The following PCNX3 variants were observed in gnomAD, a reference collection of about 807,000 sequenced individuals.
The protein encoded by PCNX3 is pecanex 3, also known as pecanex-like protein 3.
A neutral mutation model predicts 207.2 loss-of-function variants in PCNX3; 58 were observed. That is an observed-to-expected ratio of 0.28 (90% CI 0.23 to 0.35). The LOEUF is 0.35. Among genes scored for constraint, PCNX3 ranks in the 10% least tolerant of loss-of-function variants. The pLI is 1.00. For synonymous variants in PCNX3, 1,337 were observed against 1,183.5 expected (o/e 1.13, Z -2.66); for missense variants, 2,410 against 2,774.4 (o/e 0.87, Z 2.95).
chr11:65,619,966 TC>T, intron 8 of PCNX3, 34 bp downstream of exon 8: 2 of 1,557,190 alleles, frequency 1.3e-6, no homozygotes, highest in Non-Finnish European at 8.7e-7. Context: ...GCCCAGTGCC[TC>T]CCCGCCTTCC....
chr11:65,617,125 C>T (rs1241279267), intron 2 of PCNX3, 114 bp downstream of exon 2: 5 of 1,390,106 alleles, frequency 3.6e-6, no homozygotes, highest in Admixed American at 4.2e-5. Context: ...ATTGTGAACA[C>T]TTGTCCTGTG....
chr11:65,618,702 C>G lies in PCNX3; in HGVS notation c.1340C>G (p.Ser447Cys), dbSNP rs746164516. ...RSQRRYSTDSSSSTSCYSPES... is the reference protein window; with the variant it reads ...RSQRRYSTDSCSSTSCYSPES... ...CAGCGCCGCTACAGTACTGACAGCTCCTCTTCTACTTCCTGCTACTCCCCT... is the reference window on the plus strand; with the variant it reads ...CAGCGCCGCTACAGTACTGACAGCTGCTCTTCTACTTCCTGCTACTCCCCT... The change falls in exon 6 of 35, where the codon TCC (serine) becomes TGC (cysteine). Residue 447 changes from serine to cysteine, a missense_variant. Ser to Cys is a moderately radical substitution (Grantham distance 112, BLOSUM62 -1). This residue lies in a region of PCNX3 where 1,104 missense variants were observed against 970.3 expected (regional missense o/e 1.14). Coordinates refer to ENST00000355703, the MANE Select transcript of PCNX3 (RefSeq NM_032223.4). The G allele has an allele frequency of 6.2e-7, 1 of 1,613,086 alleles. No homozygotes were observed. The highest frequency in any genetic ancestry group is 8.5e-7 in the Non-Finnish European group (1 of 1,179,624).
At chr11:65,631,600 A>G (rs1855618302) in intron 27 of PCNX3, among the ~76,000 whole-genome samples, 1 of 152,158 alleles carries the variant, frequency 6.6e-6, no homozygotes, top group African/African-American at 2.4e-5. Context: ...CAGAGGTTGC[A>G]GCCAGCCGAG....
At position 65,617,725 on chromosome 11, in the gene PCNX3, G is replaced by A; in HGVS notation, c.577+19G>A. The A allele has an allele frequency of 6.4e-7, 1 of 1,552,150 alleles. No homozygotes were observed. Among genetic ancestry groups the A allele is most frequent in the South Asian group, 1.2e-5 (1 of 84,318 alleles). ...AAACTGAGTGCGTGGGCCTTATGGGGCCGAGGCTTGTGGGCTAGACCAGCT... is the reference window on the plus strand; with the variant it reads ...AAACTGAGTGCGTGGGCCTTATGGGACCGAGGCTTGTGGGCTAGACCAGCT... On this transcript the variant is annotated intron_variant, in intron 5 of 34. Transcript: ENST00000355703.
At chr11:65,617,577 G>A in intron 4 of PCNX3, 34 bp from the exon 5 acceptor site, 1 of 1,613,620 alleles carries the variant, frequency 6.2e-7, no homozygotes, top group Non-Finnish European at 8.5e-7. Flanking sequence ...TGTGCCAGGG[G>A]GTCCTGCTGA....
chr11:65,625,293 C>T lies in PCNX3; in HGVS notation c.3029+13C>T, dbSNP rs777992621. On this transcript the variant is annotated intron_variant, in intron 17 of 34. Coordinates refer to ENST00000355703, the MANE Select transcript of PCNX3 (RefSeq NM_032223.4). This position sits in a 1 kb window ranked among gnomAD's most constrained non-coding sequence, Gnocchi z 5.6. The stretch of plus-strand genomic sequence containing the variant: ...CCACCGTGCTCTGGTGGGTGTGCTC[C>T]GGGTCGTGTGTTTGTGTCTGCCCAG... The T allele has an allele frequency of 2.6e-5, 41 of 1,601,552 alleles. No individual in the cohort carries two copies. The highest frequency in any genetic ancestry group is 1.2e-4 in the South Asian group (11 of 90,720).
In PCNX3 at chr11:65,625,600, A is replaced by G. The variant is rs1322455973; in HGVS notation, c.3136-52A>G. On this transcript the variant is annotated intron_variant, in intron 18 of 34. Transcript: ENST00000355703. The surrounding 1 kb of genome is among the most constrained non-coding windows in gnomAD (Gnocchi z 5.6). ...GCATGTCCAGCTTGGGCTGCTGGGC[A>G]GCTGAGTGTCTCTCCTGGCCGGGCA... is the stretch of plus-strand genomic sequence containing the variant. 6 of 1,598,486 alleles carry G rather than the reference A, an allele frequency of 3.8e-6. No homozygotes were observed. In the East Asian group the frequency reaches 1.4e-4, roughly 36 times the overall value.
At chr11:65,631,396 C>G (rs1855611305) in intron 27 of PCNX3, among the ~76,000 whole-genome samples, 1 of 152,182 alleles carries the variant, frequency 6.6e-6, no homozygotes. Context: ...GTGGCTCATG[C>G]CTGTAATCCC....
At chr11:65,629,880 G>A in intron 26 of PCNX3, 145 bp downstream of exon 26, 1 of 896,376 alleles carries the variant, frequency 1.1e-6, no homozygotes, top group Admixed American at 2.2e-5. Context: ...TCCTCCCTGG[G>A]CCTGCGTTTC....
In PCNX3 at chr11:65,635,827, G is replaced by A. The variant is rs73490482; in HGVS notation, c.5459+24G>A. 1.3e-4 allele frequency: 206 copies of A among 1,590,354 alleles called. 1 individual carries two copies. Among genetic ancestry groups the A allele is most frequent in the African/African-American group, 5.1e-4 (38 of 74,690 alleles). On this transcript the variant is annotated intron_variant, in intron 32 of 34. Transcript: ENST00000355703. The surrounding 1 kb of genome is among the most constrained non-coding windows in gnomAD (Gnocchi z 9.9). ...AGGTGAGGCCTCGGGAAGGGGTGAC[G>A]TGTGGCGCGGGAGGAAGCTGAGGTG...
rs369985737 is a variant in PCNX3 at position 65,636,569 on chromosome 11, G to A, written c.5772G>A (p.Pro1924=). ...EGPRTSRPPG[P]GLLSSEGPSG... Reference sequence around the variant, plus strand: ...CCCGGACCTCACGGCCCCCTGGCCCGGGTCTCCTCAGTTCTGAGGGCCCCA... The same window carrying A: ...CCCGGACCTCACGGCCCCCTGGCCCAGGTCTCCTCAGTTCTGAGGGCCCCA... Residue 1924 remains proline (P), a synonymous_variant, in exon 34 of 35, where the codon CCG becomes CCA. Coordinates refer to ENST00000355703, the MANE Select transcript of PCNX3 (RefSeq NM_032223.4). 18 of 1,594,918 alleles carry A rather than the reference G, an allele frequency of 1.1e-5. No individual in the cohort carries two copies. The highest frequency in any genetic ancestry group is 5.4e-5 in the African/African-American group (4 of 73,976).
chr11:65,629,212 G>A, intron 24 of PCNX3, 145 bp from the exon 25 acceptor site: 1 of 969,694 alleles, frequency 1.0e-6, no homozygotes, highest in Non-Finnish European at 1.6e-6. Context: ...GTCCCTTCAT[G>A]TACCTGAGCC....
rs1271286804 is a variant in PCNX3 at position 65,630,477 on chromosome 11, G to A, written c.4343G>A (p.Arg1448His). Reference sequence around the variant, plus strand: ...TCCTTCAATGCTGCCTTTGGGCAGCGCTGGCTGGCTTGGGAGGTAACAGCC... The same window carrying A: ...TCCTTCAATGCTGCCTTTGGGCAGCACTGGCTGGCTTGGGAGGTAACAGCC... The part of the protein sequence containing the change: ...VLSFNAAFGQ[R>H]WLAWEVTASK... The change falls in exon 27 of 35, where the codon CGC becomes CAC. Residue 1448 changes from arginine to histidine, a missense_variant. This residue lies in a region of PCNX3 where 420 missense variants were observed against 705.3 expected (regional missense o/e 0.60). Coordinates refer to ENST00000355703, the MANE Select transcript of PCNX3 (RefSeq NM_032223.4). 2.5e-6 allele frequency: 4 copies of A among 1,613,636 alleles called. No homozygotes were observed. The highest frequency in any genetic ancestry group is 2.5e-6 in the Non-Finnish European group (3 of 1,179,886).
chr11:65,630,235 T>C (rs941978369), intron 26 of PCNX3, 116 bp from the exon 27 acceptor site: 6 of 1,418,592 alleles, frequency 4.2e-6, no homozygotes, highest in Non-Finnish European at 5.6e-6. Flanking sequence ...TTGACTCCCC[T>C]GGCGTCCAAG....
intron 27 of PCNX3, among the ~76,000 whole-genome samples, chr11:65,631,608 G>A (rs914424435): frequency 5.3e-5 from 8 of 152,074 alleles, no homozygotes; most frequent in Non-Finnish European, 8.8e-5. Context: ...GCAGCCAGCC[G>A]AGATCGTGCT....
chr11:65,616,584 T>A, intron 1 of PCNX3, 120 bp downstream of exon 1: 2 of 1,282,686 alleles, frequency 1.6e-6, no homozygotes, highest in Non-Finnish European at 2.1e-6. Flanking sequence ...AGAGTTTGGG[T>A]CTGTGTGGAA....
At chr11:65,620,796 C>T (rs566965053) in intron 9 of PCNX3, 35 bp from the exon 10 acceptor site, 2 of 1,585,542 alleles carry the variant, frequency 1.3e-6, no homozygotes, top group Admixed American at 1.8e-5. Context: ...CAGGGCTCGC[C>T]CGTGGGGGGA....
rs776216550 is a variant in PCNX3, at chr11:65,634,588, G to A, written c.4752G>A (p.Leu1584=). The A allele has an allele frequency of 5.0e-6, 8 of 1,605,298 alleles. No individual in the cohort carries two copies. Among genetic ancestry groups the A allele is most frequent in the Admixed American group, 1.7e-5 (1 of 59,730 alleles). The change falls in exon 29 of 35, where the codon CTG becomes CTA. Residue 1584 remains leucine, a synonymous_variant. Transcript: ENST00000355703. ...CGCTGGTCACGCTGTGTTTTGGCCT[G>A]TGTGTGCTGGGCCGCCGGGCCCTGG... ...NSPLVTLCFG[L]CVLGRRALGT...
rs1308246795 is a variant in PCNX3 at position 65,637,362 on chromosome 11, CCTTTTTTTTCTTTT to C, written c.*394_*407del. The C allele has an allele frequency of 6.7e-5, 14 of 208,998 alleles. No homozygotes were observed. Among genetic ancestry groups the C allele is most frequent in the African/African-American group, 1.4e-4 (6 of 42,386 alleles). 12.9% of individuals were successfully genotyped at this position (208,998 alleles called of 1,614,324 possible). A position where few individuals can be genotyped will look rare whatever the true frequency, so the allele number is the denominator to read the frequency against. Reference sequence around the variant, plus strand: ...TGTGGGAAGGGTGGTTTCTTTCTTTCCTTTTTTTTCTTTTCTTTTTTTTTTTTTTTTTTGTGCTT... The same window carrying C: ...TGTGGGAAGGGTGGTTTCTTTCTTTCCTTTTTTTTTTTTTTTTTTGTGCTT... On this transcript the variant is annotated 3_prime_UTR_variant, in exon 35 of 35. Transcript: ENST00000355703.
Sources: gnomAD v4.1 joint callset for allele counts (sites outside exome capture counted in the v4.1 genomes callset) on GRCh38, gnomAD v4.1.1 for gene constraint, gnomAD v4.1.1 regional missense constraint, Gnocchi (gnomAD v3.1) non-coding constraint, MANE v1.5 for transcripts, NCBI Gene and HGNC (gene_info 2026-07-23, HGNC 2026-07-21) for gene names.